Variants in CLASP1 observed in about 807,000 individuals in gnomAD.
The protein encoded by CLASP1 is cytoplasmic linker associated protein 1.
In CLASP1, 38 loss-of-function variants were observed where a neutral mutation model predicts 192.3. The observed-to-expected ratio is 0.20, with a 90% CI of 0.15 to 0.26. The LOEUF (loss-of-function observed/expected upper bound fraction) is 0.26. CLASP1 is among the 10% of genes least tolerant of loss of function. The probability of loss-of-function intolerance (pLI) is 1.00; values close to 1 mark genes in which losing one functional copy is unlikely to be tolerated. For missense variants in CLASP1, 1,433 were observed against 1,932.5 expected (o/e 0.74, Z 4.85); for synonymous variants, 691 against 712.8 (o/e 0.97, Z 0.49).
At chr2:121,648,779 C>A (rs1346831117) in intron 1 of CLASP1, among the ~76,000 whole-genome samples, 1 of 152,226 alleles carries the variant, frequency 6.6e-6, no homozygotes, top group East Asian at 1.9e-4. Flanking sequence ...AGAAGCTCTT[C>A]GAAGGCCCCG....
intron 22 of CLASP1, among the ~76,000 whole-genome samples, chr2:121,419,478 C>G (rs1485180157): frequency 3.3e-5 from 5 of 152,198 alleles, no homozygotes; most frequent in Non-Finnish European, 7.3e-5. Flanking sequence ...CTGACCCAGT[C>G]TTTCACACTG....
intron 6 of CLASP1, among the ~76,000 whole-genome samples, chr2:121,516,524 T>C (rs918700119): frequency 3.3e-5 from 5 of 152,154 alleles, no homozygotes; most frequent in African/African-American, 1.2e-4. Flanking sequence ...CCAGACCAGA[T>C]CAAACTAAGA....
At chr2:121,557,161 C>G (rs2058638737) in intron 2 of CLASP1, among the ~76,000 whole-genome samples, 1 of 152,206 alleles carries the variant, frequency 6.6e-6, no homozygotes, top group Non-Finnish European at 1.5e-5. Flanking sequence ...CTACTGCTGC[C>G]TTTCTCAAGA....
intron 23 of CLASP1, among the ~76,000 whole-genome samples, chr2:121,413,219 T>G (rs2078015189): frequency 6.6e-6 from 1 of 151,996 alleles, no homozygotes; most frequent in African/African-American, 2.4e-5. Context: ...AAGATCACGC[T>G]ACTACACTCC....
At chr2:121,561,955 G>A (rs938086009) in intron 2 of CLASP1, among the ~76,000 whole-genome samples, 3 of 152,162 alleles carry the variant, frequency 2.0e-5, no homozygotes, top group Non-Finnish European at 2.9e-5. Flanking sequence ...AGGGAATCTG[G>A]CAATTTACAA....
chr2:121,425,266 A>G, exon 22 of CLASP1: 1 of 1,612,520 alleles, frequency 6.2e-7, no homozygotes, highest in Non-Finnish European at 8.5e-7. Context: ...CACCATAACC[A>G]CTTCCCAACA....
intron 1 of CLASP1, among the ~76,000 whole-genome samples, chr2:121,612,279 A>AGAG (rs543491075): frequency 1.4e-5 from 2 of 139,954 alleles, no homozygotes; most frequent in African/African-American, 2.7e-5. Context: ...AAGAGGAACT[A>AGAG]GAGGAGGAGG....
At chr2:121,530,166 G>C in intron 3 of CLASP1, 81 bp downstream of exon 3, 2 of 1,250,634 alleles carry the variant, frequency 1.6e-6, no homozygotes, top group Non-Finnish European at 2.3e-6. Context: ...TGGCTGCCGG[G>C]AGGGTTTGGG....
chr2:121,352,088 AG>A (rs766195664), intron 37 of CLASP1, among the ~76,000 whole-genome samples: 1 of 152,208 alleles, frequency 6.6e-6, no homozygotes, highest in African/African-American at 2.4e-5. Context: ...GTGGAGACCC[AG>A]GAAGGAGCCA....
At chr2:121,398,193 A>G in intron 29 of CLASP1, 129 bp downstream of exon 30, 1 of 700,126 alleles carries the variant, frequency 1.4e-6, no homozygotes, top group Non-Finnish European at 2.4e-6. Flanking sequence ...ACATGTCCAC[A>G]AAGAATCAAA....
At chr2:121,460,198 T>A (rs906177030) in intron 11 of CLASP1, 73 bp from the exon 12 acceptor site, 3 of 1,239,394 alleles carry the variant, frequency 2.4e-6, no homozygotes, top group Non-Finnish European at 3.4e-6. Flanking sequence ...AAAGAAGTCA[T>A]CAAATACAAA....
chr2:121,523,037 T>C (rs2094493035), intron 6 of CLASP1, among the ~76,000 whole-genome samples: 3 of 152,096 alleles, frequency 2.0e-5, no homozygotes, highest in Admixed American at 1.3e-4. Flanking sequence ...CTCATAAGGA[T>C]TGAGGGGTGA....
intron 28 of CLASP1, among the ~76,000 whole-genome samples, chr2:121,401,126 A>G (rs959460160): frequency 1.3e-5 from 2 of 152,242 alleles, no homozygotes; most frequent in African/African-American, 4.8e-5. Flanking sequence ...TCTACATCAT[A>G]CACCGATAGA....
At chr2:121,589,052 G>C (rs1323799667) in intron 2 of CLASP1, among the ~76,000 whole-genome samples, 1 of 152,128 alleles carries the variant, frequency 6.6e-6, no homozygotes, top group Non-Finnish European at 1.5e-5. Context: ...TAAACAGCAT[G>C]AACACAACAC....
intron 6 of CLASP1, among the ~76,000 whole-genome samples, chr2:121,520,522 C>G (rs1207116632): frequency 2.6e-5 from 4 of 152,244 alleles, no homozygotes; most frequent in African/African-American, 4.8e-5. Context: ...CCTCCCTCCT[C>G]CTGAGCTCTG....
chr2:121,468,735 A>C (rs1483812761), intron 9 of CLASP1, among the ~76,000 whole-genome samples: 1 of 152,114 alleles, frequency 6.6e-6, no homozygotes, highest in Non-Finnish European at 1.5e-5. Flanking sequence ...AGATAGTTTG[A>C]CTTCCTCTCT....
chr2:121,636,338 A>AAATAATAATAATAATAATAAT (rs58688393), intron 1 of CLASP1, among the ~76,000 whole-genome samples: 1 of 138,174 alleles, frequency 7.2e-6, no homozygotes, highest in African/African-American at 2.8e-5. Flanking sequence ...TCCATTTCAA[A>AAATAATAATAATAATAATAAT]AATAATAATA....
In CLASP1 at chr2:121,492,155, C is replaced by T. The variant is rs150434561; in HGVS notation, c.712+11012G>A. Among the ~76,000 whole-genome samples, 133 of 152,102 alleles carry T rather than the reference C, an allele frequency of 8.7e-4. 2 individuals carry two copies. Among genetic ancestry groups the T allele is most frequent in the East Asian group, 3.5e-3 (18 of 5,180 alleles). On this transcript the variant is annotated intron_variant, in intron 8 of 39. Transcript: ENST00000263710. ...CTGTAATCCCAGCACTTTGGGAGGCCGAGGCGGGTAGATCACGAGGTCAGG... is the reference window on the plus strand; with the variant it reads ...CTGTAATCCCAGCACTTTGGGAGGCTGAGGCGGGTAGATCACGAGGTCAGG...
At chr2:121,441,277 C>T (rs1317991915) in intron 19 of CLASP1, among the ~76,000 whole-genome samples, 3 of 152,188 alleles carry the variant, frequency 2.0e-5, no homozygotes, top group African/African-American at 7.2e-5. Flanking sequence ...TCTCATCACA[C>T]TGGGACGTTT....
Sources: gnomAD v4.1 joint callset for allele counts (sites outside exome capture counted in the v4.1 genomes callset) on GRCh38, gnomAD v4.1.1 for gene constraint, MANE v1.5 for transcripts, NCBI Gene and HGNC (gene_info 2026-07-23, HGNC 2026-07-21) for gene names.